Variants in FMNL2 observed in about 807,000 individuals in gnomAD.
FMNL2 encodes formin like 2.
FMNL2 carries 51 observed loss-of-function variants against 130.2 expected under a neutral mutation model. That is an observed-to-expected ratio of 0.39 (90% confidence interval 0.31 to 0.49). The LOEUF is 0.49. Ranked by LOEUF, FMNL2 falls within the 20% of genes least tolerant of loss-of-function variation. The pLI, the probability that FMNL2 is intolerant of heterozygous loss-of-function variation, is 0.85. For missense variants in FMNL2, 977 were observed against 1,316.2 expected, an observed-to-expected ratio of 0.74 and a Z score of 3.99; for synonymous variants, 465 against 467.1, an observed-to-expected ratio of 1.00 and a Z score of 0.06.
At chr2:152,447,006 A>T (rs1371274759) in intron 1 of FMNL2, among the ~76,000 whole-genome samples, 1 of 152,058 alleles carries the variant, frequency 6.6e-6, no homozygotes, top group East Asian at 1.9e-4. Context: ...CCCAGTTTAG[A>T]TTTTTTTAGT....
At chr2:152,594,653 G>A (rs943549407) in intron 9 of FMNL2, among the ~76,000 whole-genome samples, 4 of 152,230 alleles carry the variant, frequency 2.6e-5, no homozygotes, top group Non-Finnish European at 5.9e-5. Context: ...TCCCTGGCTT[G>A]TGTAGCTTTT....
At chr2:152,461,366 A>T (rs10204038) in intron 1 of FMNL2, among the ~76,000 whole-genome samples, 24,031 of 75,594 alleles carry the variant, frequency 0.32, 2,151 homozygotes, top group East Asian at 0.59. Flanking sequence ...ACTTTTTTTT[A>T]AACATATGAA....
intron 1 of FMNL2, among the ~76,000 whole-genome samples, chr2:152,348,389 C>T (rs1346774815): frequency 6.6e-6 from 1 of 152,158 alleles, no homozygotes; most frequent in African/African-American, 2.4e-5. Context: ...TTTTACTTGG[C>T]TTAGCCTTGG....
chr2:152,386,897 C>A (rs897510053), intron 1 of FMNL2, among the ~76,000 whole-genome samples: 1 of 152,074 alleles, frequency 6.6e-6, no homozygotes, highest in Non-Finnish European at 1.5e-5. Flanking sequence ...GTAGAGAAAA[C>A]CTTTGTTGCT....
intron 1 of FMNL2, among the ~76,000 whole-genome samples, chr2:152,465,225 A>G (rs375293732): frequency 6.6e-6 from 1 of 152,238 alleles, no homozygotes; most frequent in Non-Finnish European, 1.5e-5. Context: ...CGTGCAGGCA[A>G]GAACACCCTG....
chr2:152,453,839 C>T (rs1167807964), intron 1 of FMNL2, among the ~76,000 whole-genome samples: 1 of 152,120 alleles, frequency 6.6e-6, no homozygotes, highest in Non-Finnish European at 1.5e-5. Flanking sequence ...ATACATGCCC[C>T]AAATGTGCTC....
chr2:152,390,276 G>A lies in FMNL2; in HGVS notation c.117+54556G>A, dbSNP rs569388795. 1.6e-5 allele frequency: 23 copies of A among 1,411,862 alleles called. No individual in the cohort carries two copies. In the African/African-American group the frequency reaches 3.0e-4, roughly 18 times the overall value. 87.5% of individuals were successfully genotyped at this position (1,411,862 alleles called of 1,614,324 possible). A position where few individuals can be genotyped will look rare whatever the true frequency, so the allele number is the denominator to read the frequency against. ...GCAGCACCTCCGGGTGGGGCTCAAG[G>A]GGCAGCCAGCAATCATCGATGGGGA... On this transcript the variant is annotated intron_variant, in intron 1 of 25. Coordinates refer to ENST00000288670, the MANE Select transcript of FMNL2 (RefSeq NM_052905.4).
At chr2:152,336,996 C>T (rs1015152563) in intron 1 of FMNL2, among the ~76,000 whole-genome samples, 1 of 152,172 alleles carries the variant, frequency 6.6e-6, no homozygotes, top group African/African-American at 2.4e-5. Flanking sequence ...AATTGCCTGC[C>T]TTCAGGCCTT....
At chr2:152,433,620 G>A (rs1169456871) in intron 1 of FMNL2, among the ~76,000 whole-genome samples, 1 of 152,172 alleles carries the variant, frequency 6.6e-6, no homozygotes, top group Non-Finnish European at 1.5e-5. Flanking sequence ...GCTTGGGTGA[G>A]AGATGACAGA....
intron 1 of FMNL2, among the ~76,000 whole-genome samples, chr2:152,502,395 A>G (rs983615698): frequency 6.6e-6 from 1 of 152,244 alleles, no homozygotes; most frequent in Non-Finnish European, 1.5e-5. Flanking sequence ...AGGAAAAAAT[A>G]CCGCCTTTGG....
intron 3 of FMNL2, among the ~76,000 whole-genome samples, chr2:152,546,749 A>G (rs1216439317): frequency 6.6e-6 from 1 of 152,132 alleles, no homozygotes; most frequent in African/African-American, 2.4e-5. Context: ...GCATATCTGG[A>G]AATGGTTGCC....
chr2:152,430,262 A>G (rs1194347203), intron 1 of FMNL2, among the ~76,000 whole-genome samples: 2 of 152,206 alleles, frequency 1.3e-5, no homozygotes, highest in Admixed American at 6.5e-5. Flanking sequence ...ACGTTAGTCC[A>G]TTTTAGAACT....
At chr2:152,417,999 C>G (rs1031400409) in intron 1 of FMNL2, among the ~76,000 whole-genome samples, 18 of 151,960 alleles carry the variant, frequency 1.2e-4, no homozygotes, top group Admixed American at 2.6e-4. Flanking sequence ...GTGCTTGCCA[C>G]CATGCCTGGC....
In FMNL2 at chr2:152,609,140, G is replaced by A. The variant is rs544485049; in HGVS notation, c.951+1727G>A. Among the ~76,000 whole-genome samples, 23 of 152,242 alleles carry A rather than the reference G, an allele frequency of 1.5e-4. No individual in the cohort carries two copies. In the South Asian group the frequency reaches 4.6e-3, roughly 30 times the overall value. ...TTATATAAAGCCCTTTAAAACACCT[G>A]TACTATCCATACACAAACTAGGTTC... On this transcript the variant is annotated intron_variant, in intron 10 of 25. Transcript: ENST00000288670.
intron 1 of FMNL2, among the ~76,000 whole-genome samples, chr2:152,397,445 C>T (rs1055604152): frequency 6.6e-6 from 1 of 152,048 alleles, no homozygotes; most frequent in African/African-American, 2.4e-5. Context: ...TTTTCATGCA[C>T]TTTTCAGAAT....
At chr2:152,614,466 T>C (rs1284733491) in intron 11 of FMNL2, among the ~76,000 whole-genome samples, 1 of 152,200 alleles carries the variant, frequency 6.6e-6, no homozygotes, top group Non-Finnish European at 1.5e-5. Context: ...ATAGACTGGC[T>C]GGGTGTGGTG....
intron 9 of FMNL2, among the ~76,000 whole-genome samples, chr2:152,585,069 C>T (rs981324494): frequency 2.0e-5 from 3 of 152,030 alleles, no homozygotes; most frequent in Non-Finnish European, 2.9e-5. Flanking sequence ...TTATACTGTG[C>T]GTGGTTTGTG....
At chr2:152,343,848 GC>G (rs201849174) in intron 1 of FMNL2, among the ~76,000 whole-genome samples, 2 of 6,734 alleles carry the variant, frequency 3.0e-4, no homozygotes, top group Admixed American at 0.01. Context: ...ACATCACTTG[GC>G]GATCCTCAGA....
At chr2:152,588,862 A>G (rs997071963) in intron 9 of FMNL2, among the ~76,000 whole-genome samples, 5 of 152,104 alleles carry the variant, frequency 3.3e-5, no homozygotes, top group Admixed American at 2.0e-4. Flanking sequence ...GATTGACTCT[A>G]TTAATAAAGA....
Sources: allele counts gnomAD v4.1 joint callset (sites outside exome capture counted in the v4.1 genomes callset), GRCh38; gene constraint gnomAD v4.1.1; transcripts MANE v1.5; gene names NCBI Gene and HGNC (gene_info 2026-07-23, HGNC 2026-07-21).